Variants in RSPO2 observed in about 807,000 individuals in gnomAD.
RSPO2 encodes the protein R-spondin 2, also known as R-spondin-2.
Under a neutral mutation model 30.9 loss-of-function variants are expected in RSPO2, and 14 were observed. The ratio of observed to expected loss-of-function variants is 0.45; its 90% CI spans 0.30 to 0.71. The LOEUF (loss-of-function observed/expected upper bound fraction) is 0.71, where lower values mean the gene tolerates loss of function less well. Ranked by LOEUF, RSPO2 falls within the 30% of genes least tolerant of loss-of-function variation. The pLI is 0.08. For synonymous variants in RSPO2, 107 were observed against 96.4 expected (o/e 1.11, Z -0.64); for missense variants, 264 against 301.9 (o/e 0.87, Z 0.93).
chr8:107,945,701 C>T (rs1227696941), intron 5 of RSPO2, among the ~76,000 whole-genome samples: 1 of 152,086 alleles, frequency 6.6e-6, no homozygotes, highest in Non-Finnish European at 1.5e-5. Flanking sequence ...TCCCTTCACC[C>T]TCCTTTTCAT....
At chr8:108,014,702 G>C (rs1167941519) in intron 2 of RSPO2, among the ~76,000 whole-genome samples, 1 of 152,058 alleles carries the variant, frequency 6.6e-6, no homozygotes, top group South Asian at 2.1e-4. Flanking sequence ...CAGGTGGTGG[G>C]GGGGCTAGGG....
intron 3 of RSPO2, among the ~76,000 whole-genome samples, chr8:107,967,410 T>C (rs1281483871): frequency 6.6e-6 from 1 of 152,202 alleles, no homozygotes; most frequent in African/African-American, 2.4e-5. Flanking sequence ...ATATGTACCA[T>C]TACAGTAATT....
At chr8:108,013,783 A>G (rs971322458) in intron 2 of RSPO2, among the ~76,000 whole-genome samples, 1 of 152,216 alleles carries the variant, frequency 6.6e-6, no homozygotes, top group African/African-American at 2.4e-5. Flanking sequence ...TTCAGGACAT[A>G]GGTATGTGCA....
intron 2 of RSPO2, among the ~76,000 whole-genome samples, chr8:107,997,539 T>G (rs1257487025): frequency 6.6e-6 from 1 of 152,168 alleles, no homozygotes; most frequent in African/African-American, 2.4e-5. Context: ...TGGAAAATCC[T>G]GAAAATAGTC....
chr8:107,997,102 C>G, intron 2 of RSPO2: 1 of 229,192 alleles, frequency 4.4e-6, no homozygotes, highest in Non-Finnish European at 8.9e-6. Flanking sequence ...TGCCCCAAAC[C>G]TCAAACAGAC....
intron 2 of RSPO2, among the ~76,000 whole-genome samples, chr8:108,043,080 T>C (rs1478869064): frequency 6.6e-6 from 1 of 152,120 alleles, no homozygotes; most frequent in African/African-American, 2.4e-5. Context: ...AGGCATTAAA[T>C]AGCCTCAGAT....
Position 107,960,767 on chromosome 8 carries a change from TG to T in RSPO2, c.333del (p.Lys112SerfsTer4). 6.2e-7 allele frequency: 1 copy of T among 1,612,392 alleles called. No homozygotes were observed. On this transcript the variant is annotated frameshift_variant, in exon 4 of 6. Transcript: ENST00000276659. LOFTEE classifies it high-confidence loss of function. ...TGCAAATAAAAGCCTACTTTGCACT[TG>T]GTACAAAAGTCTTTGCTAAAGCAAG... ...CDSCFSKDFC[T>X]KCKVGFYLHR...
chr8:108,080,344 A>G (rs1055595528), intron 2 of RSPO2, among the ~76,000 whole-genome samples: 9 of 152,054 alleles, frequency 5.9e-5, no homozygotes, highest in Non-Finnish European at 1.2e-4. Flanking sequence ...GAAGAAGAAA[A>G]AAAGTTTGAT....
chr8:107,945,241 C>CTTTTTTTTTTT (rs754722790), intron 5 of RSPO2, among the ~76,000 whole-genome samples: 10 of 74,832 alleles, frequency 1.3e-4, no homozygotes, highest in Admixed American at 2.1e-4. Context: ...ATTCTTTTAC[C>CTTTTTTTTTTT]TTTTTTTTTT....
At chr8:108,019,770 A>G (rs1234645094) in intron 2 of RSPO2, among the ~76,000 whole-genome samples, 1 of 152,122 alleles carries the variant, frequency 6.6e-6, no homozygotes, top group Non-Finnish European at 1.5e-5. Flanking sequence ...TAATAGTGAC[A>G]TTTTTCTGAC....
Position 107,912,382 on chromosome 8 carries a change from C to T in RSPO2, c.617-11192G>A, listed in dbSNP as rs550521475. ...AACCTCTTTCTGCCTGGACTCCCTT[C>T]CCTGGGATCTATTTGTAGGCAATCC... On this transcript the variant is annotated intron_variant, in intron 5 of 5. Coordinates refer to ENST00000276659, the MANE Select transcript of RSPO2 (RefSeq NM_178565.5). Among the ~76,000 whole-genome samples, 230 of 152,238 alleles carry T rather than the reference C, an allele frequency of 1.5e-3. 3 individuals carry two copies. Among genetic ancestry groups the T allele is most frequent in the Non-Finnish European group, 1.6e-3 (107 of 67,998 alleles).
chr8:108,051,054 G>C (rs1298935047), intron 2 of RSPO2, among the ~76,000 whole-genome samples: 1 of 152,166 alleles, frequency 6.6e-6, no homozygotes, highest in Non-Finnish European at 1.5e-5. Flanking sequence ...GTATGCAAGA[G>C]CTGAAGAACA....
chr8:108,064,271 A>G (rs999708750), intron 2 of RSPO2, among the ~76,000 whole-genome samples: 1 of 152,224 alleles, frequency 6.6e-6, no homozygotes, highest in African/African-American at 2.4e-5. Flanking sequence ...AAATTTTTGC[A>G]ATCTACTCCT....
chr8:108,003,242 T>C (rs1300760708), intron 2 of RSPO2, among the ~76,000 whole-genome samples: 1 of 26,610 alleles, frequency 3.8e-5, no homozygotes, highest in Non-Finnish European at 7.1e-5. Context: ...TGTATATATG[T>C]ATGTATGTAT....
chr8:108,048,382 C>G (rs1563578364), intron 2 of RSPO2, among the ~76,000 whole-genome samples: 1 of 151,464 alleles, frequency 6.6e-6, no homozygotes, highest in African/African-American at 2.4e-5. Context: ...CTAGATAGAA[C>G]AAAGTCACAA....
chr8:107,950,430 C>T lies in RSPO2; in HGVS notation c.616+7650G>A, dbSNP rs943244816. ...TAAATAGCTTATTTTTTCTTTTATT[C>T]GGGCCTGAGCTCTTATTCTAATTTA... On this transcript the variant is annotated intron_variant, in intron 5 of 5. Transcript: ENST00000276659. Among the ~76,000 whole-genome samples, 9 of 151,672 alleles carry T rather than the reference C, an allele frequency of 5.9e-5. No individual in the cohort carries two copies. The South Asian group carries it at 6.2e-4, about 11-fold the overall frequency.
chr8:108,075,926 A>C (rs1210634402), intron 2 of RSPO2, among the ~76,000 whole-genome samples: 1 of 152,206 alleles, frequency 6.6e-6, no homozygotes, highest in African/African-American at 2.4e-5. Flanking sequence ...TACAAAGATA[A>C]ATGTACCGTA....
intron 2 of RSPO2, among the ~76,000 whole-genome samples, chr8:108,013,782 T>A (rs1466385311): frequency 6.6e-6 from 1 of 152,162 alleles, no homozygotes; most frequent in Non-Finnish European, 1.5e-5. Flanking sequence ...ATTCAGGACA[T>A]AGGTATGTGC....
chr8:108,009,976 G>C (rs1810646681), intron 2 of RSPO2, among the ~76,000 whole-genome samples: 1 of 152,096 alleles, frequency 6.6e-6, no homozygotes, highest in Non-Finnish European at 1.5e-5. Context: ...TTGAGCTTGG[G>C]AGGCGGATGT....
Sources: allele counts gnomAD v4.1 joint callset (sites outside exome capture counted in the v4.1 genomes callset), GRCh38; gene constraint gnomAD v4.1.1; transcripts MANE v1.5; gene names NCBI Gene and HGNC (gene_info 2026-07-23, HGNC 2026-07-21).